GNA15: variants seen among roughly 807,000 people sequenced by gnomAD.
The protein encoded by GNA15 is G protein subunit alpha 15, also known as guanine nucleotide-binding protein subunit alpha-15.
In GNA15, 23 loss-of-function variants were observed where a neutral mutation model predicts 40.1. The ratio of observed to expected loss-of-function variants is 0.57; its 90% CI spans 0.41 to 0.81. The LOEUF is 0.81. Ranked by LOEUF, GNA15 falls within the 40% of genes least tolerant of loss-of-function variation. The pLI is 0.00. For missense variants in GNA15, 522 were observed against 515.8 expected (o/e 1.01, Z -0.12); for synonymous variants, 226 against 210.4 (o/e 1.07, Z -0.64).
chr19:3,147,460 G>A (rs1390187744), intron 1 of GNA15, among the ~76,000 whole-genome samples: 1 of 151,858 alleles, frequency 6.6e-6, no homozygotes, highest in Non-Finnish European at 1.5e-5. Flanking sequence ...GGCTGAGGGA[G>A]GAGAATCACT....
chr19:3,156,196 A>ACGACAGTG (rs751206001), intron 5 of GNA15, among the ~76,000 whole-genome samples: 4 of 84,472 alleles, frequency 4.7e-5, no homozygotes, highest in Non-Finnish European at 8.2e-5. Context: ...ACACACACAC[A>ACGACAGTG]CACACACTAC....
intron 1 of GNA15, among the ~76,000 whole-genome samples, chr19:3,145,933 G>T (rs1030127253): frequency 6.6e-6 from 1 of 151,990 alleles, no homozygotes; most frequent in Non-Finnish European, 1.5e-5. Flanking sequence ...GGCCACCCCC[G>T]ACCTGCCCCC....
chr19:3,156,132 G>A (rs1915007541), intron 5 of GNA15, among the ~76,000 whole-genome samples, 180 bp downstream of exon 5: 1 of 150,074 alleles, frequency 6.7e-6, no homozygotes, highest in Non-Finnish European at 1.5e-5. Flanking sequence ...CCAAGACACA[G>A]ACCTACAGCA....
Position 3,136,648 on chromosome 19 carries a change from C to A in GNA15, c.145+53C>A. On this transcript the variant is annotated intron_variant, in intron 1 of 6. Transcript: ENST00000262958. The surrounding 1 kb of genome is among the most constrained non-coding windows in gnomAD (Gnocchi z 4.9). The stretch of plus-strand genomic sequence containing the variant: ...TGGTGGGCAGTGGGCGGTGGCCAGC[C>A]GGCAGGGGTGTCGGGGCAAGGAGGC... 1 of 1,498,648 alleles carries A rather than the reference C, an allele frequency of 6.7e-7. No homozygotes were observed. The highest frequency in any genetic ancestry group is 9.0e-7 in the Non-Finnish European group (1 of 1,105,324). The allele number at this position is 1,498,648 out of a possible 1,614,324, so 92.8% of individuals were successfully genotyped here. A position where few individuals can be genotyped will look rare whatever the true frequency, so the allele number is the denominator to read the frequency against.
chr19:3,152,999 T>C (rs1335654727), intron 4 of GNA15, among the ~76,000 whole-genome samples: 1 of 151,544 alleles, frequency 6.6e-6, no homozygotes, highest in Admixed American at 6.6e-5. Flanking sequence ...AAAGATGGAA[T>C]GGGGGCAACC....
chr19:3,151,121 G>A lies in GNA15; in HGVS notation c.486-586G>A, dbSNP rs1235974561. Among the ~76,000 whole-genome samples the A allele has an allele frequency of 6.6e-6, 1 of 151,490 alleles. No individual in the cohort carries two copies. Among genetic ancestry groups the A allele is most frequent in the South Asian group, 2.1e-4 (1 of 4,808 alleles). On this transcript the variant is annotated intron_variant, in intron 3 of 6. Transcript: ENST00000262958. This position sits in a 1 kb window ranked among gnomAD's most constrained non-coding sequence, Gnocchi z 5.0. ...CTGTTCCCGGAGTGACCCTATTCCTGGCGGGAACCTGTTCCTAGAGTGCCC... is the reference window on the plus strand; with the variant it reads ...CTGTTCCCGGAGTGACCCTATTCCTAGCGGGAACCTGTTCCTAGAGTGCCC...
At chr19:3,147,571 A>AC (rs1914756558) in intron 1 of GNA15, among the ~76,000 whole-genome samples, 1 of 148,370 alleles carries the variant, frequency 6.7e-6, no homozygotes, top group South Asian at 2.1e-4. Context: ...AAAAGAAAAA[A>AC]GAAAAAAACC....
intron 1 of GNA15, among the ~76,000 whole-genome samples, chr19:3,148,276 T>G (rs1914782265): frequency 6.6e-6 from 1 of 152,020 alleles, no homozygotes; most frequent in Non-Finnish European, 1.5e-5. Context: ...TTAATAGAGA[T>G]GGGGTTTCGC....
In GNA15 at chr19:3,147,646, C is replaced by T. The variant is rs554788853; in HGVS notation, c.146-945C>T. The stretch of plus-strand genomic sequence containing the variant: ...AACTGGCCAGGCGCGGTGGCTCACG[C>T]TTGTAATCCCAGCACTTTGGGAGGC... On this transcript the variant is annotated intron_variant, in intron 1 of 6. Coordinates refer to ENST00000262958, the MANE Select transcript of GNA15 (RefSeq NM_002068.4). Among the ~76,000 whole-genome samples, 232 of 151,874 alleles carry T rather than the reference C, an allele frequency of 1.5e-3. 2 individuals carry two copies. The highest frequency in any genetic ancestry group is 5.2e-3 in the African/African-American group (215 of 41,454).
intron 2 of GNA15, chr19:3,149,926 C>T (rs1914836533): frequency 5.7e-6 from 3 of 530,804 alleles, no homozygotes; most frequent in Non-Finnish European, 1.0e-5. Context: ...ATGTGGTGGT[C>T]TGTGCTTTTC....
At chr19:3,156,519 CAT>C (rs770232709) in intron 5 of GNA15, among the ~76,000 whole-genome samples, 1 of 152,218 alleles carries the variant, frequency 6.6e-6, no homozygotes, top group African/African-American at 2.4e-5. Context: ...TGCACACACA[CAT>C]GCACGCACAC....
chr19:3,157,623 G>A (rs1192788091), intron 5 of GNA15, 105 bp from the exon 6 acceptor site: 1 of 945,464 alleles, frequency 1.1e-6, no homozygotes, highest in East Asian at 2.4e-5. Context: ...GGCAGATAGG[G>A]GTGAGCCCAT....
chr19:3,147,052 T>G (rs986600483), intron 1 of GNA15, among the ~76,000 whole-genome samples: 33 of 152,312 alleles, frequency 2.2e-4, no homozygotes, highest in African/African-American at 7.5e-4. Flanking sequence ...ACAGCCACCT[T>G]CCGGCCTTCA....
intron 1 of GNA15, among the ~76,000 whole-genome samples, chr19:3,139,427 A>G (rs1435572448): frequency 6.6e-6 from 1 of 151,922 alleles, no homozygotes; most frequent in Non-Finnish European, 1.5e-5. Context: ...TCTCTAAAAA[A>G]AATAAATAAA....
chr19:3,160,937 CTTT>C (rs149959587), intron 6 of GNA15, among the ~76,000 whole-genome samples: 11,952 of 101,486 alleles, frequency 0.12, 722 homozygotes, highest in East Asian at 0.34. Flanking sequence ...GGTATGACCA[CTTT>C]TTTTTTTTTT....
chr19:3,145,359 A>ATATTTTTTTTTT, intron 1 of GNA15, among the ~76,000 whole-genome samples: 12 of 46,964 alleles, frequency 2.6e-4, no homozygotes, highest in African/African-American at 1.1e-3. Flanking sequence ...ATATATATAT[A>ATATTTTTTTTTT]TTTTTTTTTT....
intron 1 of GNA15, among the ~76,000 whole-genome samples, chr19:3,139,141 T>C (rs113523238): frequency 4.7e-4 from 68 of 146,126 alleles, no homozygotes; most frequent in South Asian, 6.6e-4. Flanking sequence ...AGATGGGGTT[T>C]CACCATGTTG....
intron 4 of GNA15, among the ~76,000 whole-genome samples, chr19:3,152,670 G>A (rs8108296): frequency 0.011 from 1,743 of 152,278 alleles, 36 homozygotes; most frequent in African/African-American, 0.039. Flanking sequence ...CAGTTAGAGG[G>A]TCACTGGTGA....
chr19:3,150,206 C>T lies in GNA15; in HGVS notation c.406C>T (p.Gln136Ter). 2 of 1,612,430 alleles carry T rather than the reference C, an allele frequency of 1.2e-6. No individual in the cohort carries two copies. Among genetic ancestry groups the T allele is most frequent in the Non-Finnish European group, 1.7e-6 (2 of 1,179,270 alleles). The change falls in exon 3 of 7, where the codon CAG becomes TAG. Residue 136 changes from glutamine (Q) to a stop codon, truncating the protein, a stop_gained. Coordinates refer to ENST00000262958, the MANE Select transcript of GNA15 (RefSeq NM_002068.4). LOFTEE classifies it high-confidence loss of function. ...TGAGAAGCGCTACGCTGCGGCCATG[C>T]AGTGGCTGTGGAGGGATGCCGGCAT... ...TFEKRYAAAM[Q>*]WLWRDAGIRA...
Sources: allele counts gnomAD v4.1 joint callset (sites outside exome capture counted in the v4.1 genomes callset), GRCh38; gene constraint gnomAD v4.1.1; non-coding constraint Gnocchi (gnomAD v3.1); transcripts MANE v1.5; gene names NCBI Gene and HGNC (gene_info 2026-07-23, HGNC 2026-07-21).